The following PSMD1 variants were observed in gnomAD, a reference collection of about 807,000 sequenced individuals.
PSMD1 encodes the protein 26S proteasome non-ATPase regulatory subunit 1.
In PSMD1, 18 loss-of-function variants were observed where a neutral mutation model predicts 119.0. The observed-to-expected ratio is 0.15, with a 90% CI of 0.10 to 0.22. The LOEUF (loss-of-function observed/expected upper bound fraction) is 0.22. Among genes scored for constraint, PSMD1 ranks in the 10% least tolerant of loss-of-function variants. PSMD1 has a pLI of 1.00. For missense variants in PSMD1, 702 were observed against 1,158.5 expected (o/e 0.61, Z 5.72); for synonymous variants, 374 against 396.6 (o/e 0.94, Z 0.68).
chr2:231,163,828 C>T, intron 21 of PSMD1, 101 bp downstream of exon 21: 1 of 806,774 alleles, frequency 1.2e-6, no homozygotes, highest in East Asian at 2.7e-5. Context: ...AAAAGTAACA[C>T]TTCTTATGCT....
rs773688783 is a variant in PSMD1, at chr2:231,072,393, G to C, written c.859G>C (p.Val287Leu). 1.9e-6 allele frequency: 3 copies of C among 1,612,546 alleles called. No individual in the cohort carries two copies. In the South Asian group the frequency reaches 3.3e-5, roughly 18 times the overall value. Residue 287 changes from valine (V) to leucine (L), a missense_variant, in exon 7 of 25, where the codon GTT becomes CTT. Coordinates refer to ENST00000308696, the MANE Select transcript of PSMD1 (RefSeq NM_002807.4). ...GCCTGGATCCACTAATACGGGTACT[G>C]TTCCGGGATCAGAGAAAGACAGGTA... is the stretch of plus-strand genomic sequence containing the variant. ...SVPGSTNTGT[V>L]PGSEKDSDSM...
intron 17 of PSMD1, among the ~76,000 whole-genome samples, chr2:231,144,281 C>T (rs1187751480): frequency 2.7e-5 from 4 of 148,058 alleles, no homozygotes; most frequent in South Asian, 4.2e-4. Context: ...GACAGAGTTT[C>T]ACTCTTGTTG....
chr2:231,060,116 A>G (rs1693720386), intron 1 of PSMD1, among the ~76,000 whole-genome samples: 1 of 152,218 alleles, frequency 6.6e-6, no homozygotes, highest in South Asian at 2.1e-4. Flanking sequence ...ATCTTACTCC[A>G]CATCACTAGT....
intron 20 of PSMD1, among the ~76,000 whole-genome samples, chr2:231,162,698 A>G (rs1295768678): frequency 2.6e-5 from 4 of 151,930 alleles, no homozygotes; most frequent in Non-Finnish European, 4.4e-5. Flanking sequence ...GTGGTTGTGC[A>G]CATCTGTAGT....
intron 16 of PSMD1, chr2:231,108,895 AG>A: frequency 6.2e-7 from 1 of 1,614,174 alleles, no homozygotes; most frequent in Non-Finnish European, 8.5e-7. Context: ...TTTGGAGAGT[AG>A]TTTGGTTACA....
intron 12 of PSMD1, among the ~76,000 whole-genome samples, chr2:231,080,713 AG>A (rs1425873835): frequency 6.6e-6 from 1 of 152,194 alleles, no homozygotes; most frequent in Non-Finnish European, 1.5e-5. Context: ...CTTTTGGAAA[AG>A]CTTACTAAGT....
At chr2:231,165,137 T>C in intron 21 of PSMD1, 63 bp from the exon 22 acceptor site, 1 of 1,323,340 alleles carries the variant, frequency 7.6e-7, no homozygotes, top group Non-Finnish European at 1.0e-6. Flanking sequence ...CTGAGTTCTC[T>C]AGGGCTTGCA....
At position 231,166,139 on chromosome 2, in the gene PSMD1, A is replaced by G. The variant is rs1250057217; in HGVS notation, c.2715+122A>G. 2.9e-6 allele frequency: 3 copies of G among 1,024,104 alleles called. No individual in the cohort carries two copies. The Admixed American group carries it at 8.0e-5, about 27-fold the overall frequency. The allele number at this position is 1,024,104 out of a possible 1,614,324, so 63.4% of individuals were successfully genotyped here. A position where few individuals can be genotyped will look rare whatever the true frequency, so the allele number is the denominator to read the frequency against. The stretch of plus-strand genomic sequence containing the variant: ...GGAGCAAGCTCACTAGTTCTAAGAA[A>G]TTATTTAACAAAAGAGAGAATGTTC... On this transcript the variant is annotated intron_variant, in intron 23 of 24. Coordinates refer to ENST00000308696, the MANE Select transcript of PSMD1 (RefSeq NM_002807.4).
At chr2:231,105,545 G>A (rs1446241945) in intron 16 of PSMD1, among the ~76,000 whole-genome samples, 1 of 151,908 alleles carries the variant, frequency 6.6e-6, no homozygotes, top group African/African-American at 2.4e-5. Flanking sequence ...ATCTGATATG[G>A]ACATTTCTTA....
chr2:231,159,412 G>A (rs1243847437), intron 19 of PSMD1, among the ~76,000 whole-genome samples: 2 of 152,150 alleles, frequency 1.3e-5, no homozygotes, highest in Non-Finnish European at 2.9e-5. Flanking sequence ...ACTGTAGTAA[G>A]ATGTTCCCTT....
intron 16 of PSMD1, among the ~76,000 whole-genome samples, chr2:231,134,769 TACTC>T (rs1318046900): frequency 2.6e-5 from 4 of 152,184 alleles, no homozygotes; most frequent in Non-Finnish European, 4.4e-5. Flanking sequence ...TAGAAAGAAA[TACTC>T]ACAGGTATGT....
intron 16 of PSMD1, chr2:231,123,308 G>T: frequency 1.2e-6 from 1 of 863,826 alleles, no homozygotes; most frequent in Non-Finnish European, 1.9e-6. Flanking sequence ...AATAGTCCAA[G>T]TTCATCTTTT....
chr2:231,112,732 A>G (rs146165119), intron 16 of PSMD1, among the ~76,000 whole-genome samples: 284 of 152,330 alleles, frequency 1.9e-3, no homozygotes, highest in African/African-American at 6.3e-3. Context: ...CGCATACTTC[A>G]TGATAAGAAG....
intron 16 of PSMD1, among the ~76,000 whole-genome samples, chr2:231,103,751 C>G (rs1247425985): frequency 6.6e-6 from 1 of 152,112 alleles, no homozygotes; most frequent in Non-Finnish European, 1.5e-5. Context: ...GACTCTTTAT[C>G]TGTTTTGTGT....
intron 23 of PSMD1, among the ~76,000 whole-genome samples, chr2:231,167,384 C>T (rs929263279): frequency 1.3e-5 from 2 of 152,218 alleles, no homozygotes; most frequent in African/African-American, 4.8e-5. Flanking sequence ...GACAGTGAGG[C>T]ACGTGCTCAA....
intron 6 of PSMD1, 91 bp downstream of exon 6, chr2:231,070,259 T>C (rs1694011497): frequency 9.4e-7 from 1 of 1,063,898 alleles, no homozygotes; most frequent in Middle Eastern, 2.6e-4. Flanking sequence ...TATATTACTA[T>C]AATGGCTTTA....
Position 231,170,697 on chromosome 2 carries a change from G to A in PSMD1, c.2847G>A (p.Glu949=). ...AGCCAGAACCCCCAGAACCATTTGA[G>A]TATATTGATGATTAAGGGCCAGAGG... ...EQEPEPPEPF[E]YIDD is the part of the protein sequence containing the mutation. The change falls in exon 24 of 25, where the codon GAG becomes GAA. Residue 949 remains glutamate (E), a synonymous_variant. Coordinates refer to ENST00000308696, the MANE Select transcript of PSMD1 (RefSeq NM_002807.4). This position sits in a 1 kb window ranked among gnomAD's most constrained non-coding sequence, Gnocchi z 4.1. 6.2e-7 allele frequency: 1 copy of A among 1,611,408 alleles called. No individual in the cohort carries two copies. The highest frequency in any genetic ancestry group is 8.5e-7 in the Non-Finnish European group (1 of 1,179,206).
intron 16 of PSMD1, among the ~76,000 whole-genome samples, chr2:231,120,138 G>T (rs1012968974): frequency 1.3e-5 from 2 of 151,894 alleles, no homozygotes; most frequent in African/African-American, 4.8e-5. Context: ...TTTTAGTAGG[G>T]ACAGGGTTTC....
chr2:231,143,580 TAGA>T lies in PSMD1; in HGVS notation c.1999-2657_1999-2655del, dbSNP rs1449470847. 3.3e-5 allele frequency among the ~76,000 whole-genome samples: 5 copies of T among 152,172 alleles called. No individual in the cohort carries two copies. The East Asian group carries it at 9.6e-4, about 29-fold the overall frequency. ...TCCCAAAAGTCCTGCAGAGTGTGAATAGAAGTTATACGGGGCAAAAGAGTTTTT... is the reference window on the plus strand; with the variant it reads ...TCCCAAAAGTCCTGCAGAGTGTGAATAGTTATACGGGGCAAAAGAGTTTTT... On this transcript the variant is annotated intron_variant, in intron 17 of 24. Transcript: ENST00000308696.
Sources: allele counts gnomAD v4.1 joint callset (sites outside exome capture counted in the v4.1 genomes callset), GRCh38; gene constraint gnomAD v4.1.1; non-coding constraint Gnocchi (gnomAD v3.1); transcripts MANE v1.5; gene names NCBI Gene and HGNC (gene_info 2026-07-23, HGNC 2026-07-21).